The following CPA3 variants were observed in gnomAD, a reference collection of about 807,000 sequenced individuals.
CPA3 encodes mast cell carboxypeptidase A.
A neutral mutation model predicts 55.8 loss-of-function variants in CPA3; 52 were observed. That is an observed-to-expected ratio of 0.93 (90% CI 0.75 to 1.17). The LOEUF (loss-of-function observed/expected upper bound fraction) is 1.17. Ranked by LOEUF, CPA3 falls within the 50% of genes most tolerant of loss-of-function variation. The pLI, the probability that CPA3 is intolerant of heterozygous loss-of-function variation, is 0.00. For missense variants in CPA3, 547 were observed against 509.1 expected, an observed-to-expected ratio of 1.07 and a Z score of -0.72; for synonymous variants, 179 against 171.2, an observed-to-expected ratio of 1.05 and a Z score of -0.36.
At chr3:148,885,415 T>C (rs1714502148) in intron 9 of CPA3, among the ~76,000 whole-genome samples, 1 of 145,136 alleles carries the variant, frequency 6.9e-6, no homozygotes, top group Non-Finnish European at 1.5e-5. Context: ...TCTTTTTTTT[T>C]TTTTTTTTTT....
At chr3:148,874,211 TG>T (rs1312628200) in intron 3 of CPA3, among the ~76,000 whole-genome samples, 1 of 152,206 alleles carries the variant, frequency 6.6e-6, no homozygotes, top group Non-Finnish European at 1.5e-5. Flanking sequence ...TGCTTTGTTT[TG>T]TTTGGTTTTG....
chr3:148,893,260 A>G (rs1714725193), intron 10 of CPA3, among the ~76,000 whole-genome samples: 1 of 141,880 alleles, frequency 7.0e-6, no homozygotes, highest in African/African-American at 2.5e-5. Flanking sequence ...AAAATGCCTC[A>G]ACAAACAATT....
intron 3 of CPA3, among the ~76,000 whole-genome samples, chr3:148,873,159 A>T (rs1008855072): frequency 7.2e-5 from 11 of 152,138 alleles, no homozygotes; most frequent in African/African-American, 2.4e-4. Flanking sequence ...TGAGAAATCC[A>T]TGTCAGTAAG....
chr3:148,883,952 T>C, intron 9 of CPA3, 137 bp downstream of exon 9: 1 of 657,640 alleles, frequency 1.5e-6, no homozygotes, highest in Non-Finnish European at 2.6e-6. Context: ...TGCCTTGAAG[T>C]TAAAATCATG....
At chr3:148,885,451 AC>A (rs1400886857) in intron 9 of CPA3, among the ~76,000 whole-genome samples, 1 of 121,800 alleles carries the variant, frequency 8.2e-6, no homozygotes, top group East Asian at 2.4e-4. Flanking sequence ...TCGCTCTGTC[AC>A]CAGGCTGGAG....
rs767194342 is a variant in CPA3, at chr3:148,868,911, G to A, written c.145-4G>A. 10 of 1,613,000 alleles carry A rather than the reference G, an allele frequency of 6.2e-6. No individual in the cohort carries two copies. In the East Asian group the frequency reaches 1.6e-4, roughly 25 times the overall value. Reference sequence around the variant, plus strand: ...TCTGACTAACATTGAGCTTATCTCTGCAGCTTGACTTCTGGTATCCAGGTG... The same window carrying A: ...TCTGACTAACATTGAGCTTATCTCTACAGCTTGACTTCTGGTATCCAGGTG... On this transcript the variant is annotated splice_polypyrimidine_tract_variant and splice_region_variant and intron_variant, in intron 2 of 10. Transcript: ENST00000296046.
rs769866932 is a variant in CPA3, at chr3:148,865,427, T to C, written c.69-46T>C. 5.0e-6 allele frequency: 8 copies of C among 1,613,368 alleles called. No homozygotes were observed. The East Asian group carries it at 8.9e-5, about 18-fold the overall frequency. On this transcript the variant is annotated intron_variant, in intron 1 of 10. Coordinates refer to ENST00000296046, the MANE Select transcript of CPA3 (RefSeq NM_001870.4). ...CTCTGTGTAGAAGAGAATTAAAGGT[T>C]GTTTCCTTACAGTTCACTTTTTTTT...
chr3:148,879,573 T>C (rs1714302774), intron 5 of CPA3, among the ~76,000 whole-genome samples: 1 of 152,198 alleles, frequency 6.6e-6, no homozygotes, highest in South Asian at 2.1e-4. Context: ...GAAAAATTTT[T>C]TGAAAAATAT....
chr3:148,878,376 G>A, intron 3 of CPA3, 65 bp from the exon 4 acceptor site: 3 of 1,173,596 alleles, frequency 2.6e-6, no homozygotes, highest in Middle Eastern at 2.4e-4. Flanking sequence ...TTCTGCAAAT[G>A]AAAGATAACT....
chr3:148,882,815 C>T (rs563615985), intron 8 of CPA3, among the ~76,000 whole-genome samples: 1 of 152,102 alleles, frequency 6.6e-6, no homozygotes, highest in East Asian at 1.9e-4. Context: ...CCATCTCTTA[C>T]TTACTATATC....
chr3:148,881,645 A>C lies in CPA3; in HGVS notation c.687+13A>C. 6.5e-7 allele frequency: 1 copy of C among 1,528,854 alleles called. No homozygotes were observed. Among genetic ancestry groups the C allele is most frequent in the Admixed American group, 1.7e-5 (1 of 57,802 alleles). The allele number at this position is 1,528,854 out of a possible 1,614,324, so 94.7% of individuals were successfully genotyped here. On this transcript the variant is annotated intron_variant, in intron 7 of 10. Coordinates refer to ENST00000296046, the MANE Select transcript of CPA3 (RefSeq NM_001870.4). The stretch of plus-strand genomic sequence containing the variant: ...GTCATGGACAAAGGTACTGCTCTCT[A>C]CTCTCTTGTTTGCATTTAGATATTA...
chr3:148,877,452 C>T (rs1002440496), intron 3 of CPA3, among the ~76,000 whole-genome samples: 4 of 151,990 alleles, frequency 2.6e-5, no homozygotes, highest in Non-Finnish European at 5.9e-5. Flanking sequence ...CGAGATCACA[C>T]CATTGCACTC....
Position 148,883,729 on chromosome 3 carries a change from G to C in CPA3, c.895G>C (p.Val299Leu). The change falls in exon 9 of 11, where the codon GTT (valine) becomes CTT (leucine). Residue 299 changes from valine (V) to leucine (L), a missense_variant. Val to Leu is a conservative substitution (Grantham distance 32, BLOSUM62 1). Transcript: ENST00000296046. ...TAGAAGCCACCTGAATGAAATCAAG[G>C]TTTACATCACCTTCCATTCCTACTC... ...FIRSHLNEIK[V>L]YITFHSYSQM... 6.2e-7 allele frequency: 1 copy of C among 1,613,964 alleles called. No individual in the cohort carries two copies. Among genetic ancestry groups the C allele is most frequent in the South Asian group, 1.1e-5 (1 of 91,066 alleles).
intron 10 of CPA3, 34 bp downstream of exon 10, chr3:148,886,211 C>T (rs1442004215): frequency 4.9e-6 from 7 of 1,428,846 alleles, no homozygotes; most frequent in Non-Finnish European, 6.8e-6. Context: ...GAGCCCTTTT[C>T]CCTAATTATT....
intron 8 of CPA3, 141 bp from the exon 9 acceptor site, chr3:148,883,472 A>G: frequency 1.5e-6 from 1 of 646,570 alleles, no homozygotes; most frequent in East Asian, 2.7e-5. Flanking sequence ...TGACTATGAT[A>G]CAAGAGACAT....
chr3:148,896,429 T>A, intron 10 of CPA3, 91 bp from the exon 11 acceptor site: 1 of 1,116,328 alleles, frequency 9.0e-7, no homozygotes. Flanking sequence ...ACATAACTAT[T>A]TTTTATTGCT....
Position 148,888,776 on chromosome 3 carries a change from A to G in CPA3, c.1066+2599A>G, listed in dbSNP as rs186345677. On this transcript the variant is annotated intron_variant, in intron 10 of 10. Coordinates refer to ENST00000296046, the MANE Select transcript of CPA3 (RefSeq NM_001870.4). Reference sequence around the variant, plus strand: ...AATTATCCGTGTGTGTGTATCCACAAAAGTATGAGAATACAGAGCTGTGCA... The same window carrying G: ...AATTATCCGTGTGTGTGTATCCACAGAAGTATGAGAATACAGAGCTGTGCA... Among the ~76,000 whole-genome samples, 5 of 152,356 alleles carry G rather than the reference A, an allele frequency of 3.3e-5. No individual in the cohort carries two copies. The East Asian group carries it at 9.6e-4, about 29-fold the overall frequency.
chr3:148,873,377 GCACA>G (rs35303662), intron 3 of CPA3, among the ~76,000 whole-genome samples: 2,476 of 146,000 alleles, frequency 0.017, 60 homozygotes, highest in African/African-American at 0.058. Context: ...GCGCACACGC[GCACA>G]CACACACACA....
At chr3:148,870,538 G>T (rs1450053304) in intron 3 of CPA3, among the ~76,000 whole-genome samples, 2 of 152,086 alleles carry the variant, frequency 1.3e-5, no homozygotes, top group Non-Finnish European at 2.9e-5. Flanking sequence ...ATTTGTGATG[G>T]TTATTGATGA....
Sources: allele counts gnomAD v4.1 joint callset (sites outside exome capture counted in the v4.1 genomes callset), GRCh38; gene constraint gnomAD v4.1.1; transcripts MANE v1.5; gene names NCBI Gene and HGNC (gene_info 2026-07-23, HGNC 2026-07-21).